Variants in TRPA1 observed in about 807,000 individuals in gnomAD.
TRPA1 encodes the protein transient receptor potential cation channel subfamily A member 1.
A neutral mutation model predicts 131.3 loss-of-function variants in TRPA1; 129 were observed. That is an observed-to-expected ratio of 0.98 (90% confidence interval 0.85 to 1.14). The LOEUF (loss-of-function observed/expected upper bound fraction) is 1.14, where lower values mean the gene tolerates loss of function less well. Among genes scored for constraint, TRPA1 ranks in the 50% most tolerant of loss-of-function variants. The pLI is 0.00. For missense variants in TRPA1, 1,304 were observed against 1,354.2 expected (o/e 0.96, Z 0.58); for synonymous variants, 441 against 451.7 (o/e 0.98, Z 0.30).
At chr8:72,075,208 T>C in intron 1 of TRPA1, 91 bp downstream of exon 1, 3 of 1,012,138 alleles carry the variant, frequency 3.0e-6, no homozygotes, top group East Asian at 2.4e-5. Context: ...CCCCACGCTT[T>C]CTCCAAACCA....
In TRPA1 at chr8:72,069,166, G is replaced by T. The variant is rs1300765767; in HGVS notation, c.301C>A (p.Pro101Thr). The T allele has an allele frequency of 1.2e-6, 2 of 1,614,166 alleles. No individual in the cohort carries two copies. Among genetic ancestry groups the T allele is most frequent in the Non-Finnish European group, 1.7e-6 (2 of 1,180,036 alleles). The stretch of plus-strand genomic sequence containing the variant: ...TTTTTTTCTACAGCACAATGCAGAG[G>T]GGTATTTCCATAATCATCCATTTCA... ...LHEMDDYGNT[P>T]LHCAVEKNQI... The change falls in exon 3 of 27, where the codon CCT becomes ACT. Residue 101 changes from proline to threonine, a missense_variant. Transcript: ENST00000262209.
chr8:72,089,679 A>G, the TRPA1 span, among the ~76,000 whole-genome samples: 1 of 152,102 alleles, frequency 6.6e-6, no homozygotes, highest in Non-Finnish European at 1.5e-5. Flanking sequence ...ACCACAGCTC[A>G]AAAAATTCAA....
rs1252301325 is a variant in TRPA1 at position 72,059,518 on chromosome 8, C to A, written c.945-80G>T. ...ATGTATTTAATAAAGCTACTATATT[C>A]GGAAAGTGAATTTAACTAATCATAA... On this transcript the variant is annotated intron_variant, in intron 7 of 26. Transcript: ENST00000262209. The A allele has an allele frequency of 1.3e-5, 11 of 864,852 alleles. No individual in the cohort carries two copies. In the East Asian group the frequency reaches 3.0e-4, roughly 24 times the overall value. 53.6% of individuals were successfully genotyped at this position (864,852 alleles called of 1,614,324 possible). A position where few individuals can be genotyped will look rare whatever the true frequency, so the allele number is the denominator to read the frequency against.
At chr8:72,074,328 A>G (rs556549175) in intron 1 of TRPA1, among the ~76,000 whole-genome samples, 4 of 152,228 alleles carry the variant, frequency 2.6e-5, no homozygotes, top group Non-Finnish European at 4.4e-5. Flanking sequence ...CCAATTTGAA[A>G]TGTATTCAAA....
Position 72,022,599 on chromosome 8 carries a change from A to T in TRPA1, c.*307T>A, listed in dbSNP as rs1296257240. The T allele has an allele frequency of 2.3e-6, 1 of 443,646 alleles. No homozygotes were observed. Among genetic ancestry groups the T allele is most frequent in the Non-Finnish European group, 4.2e-6 (1 of 239,672 alleles). The allele number at this position is 443,646 out of a possible 1,614,324, so 27.5% of individuals were successfully genotyped here. ...TTTTAGCTTAATAGTTACATTTATT[A>T]CTTCTTTTCATTAAAAATGTGTGTT... On this transcript the variant is annotated 3_prime_UTR_variant, in exon 27 of 27. Coordinates refer to ENST00000262209, the MANE Select transcript of TRPA1 (RefSeq NM_007332.3).
chr8:72,037,488 G>T (rs986371432), intron 20 of TRPA1, among the ~76,000 whole-genome samples: 3 of 151,996 alleles, frequency 2.0e-5, no homozygotes, highest in Non-Finnish European at 4.4e-5. Flanking sequence ...GGAATATAAA[G>T]TAAAAATTTT....
intron 2 of TRPA1, among the ~76,000 whole-genome samples, chr8:72,071,356 CCTT>C (rs1806056357): frequency 6.6e-6 from 1 of 152,092 alleles, no homozygotes; most frequent in African/African-American, 2.4e-5. Flanking sequence ...GTATGGTACA[CCTT>C]CTTGAGGTGT....
chr8:72,069,137 T>G lies in TRPA1; in HGVS notation c.330A>C (p.Gln110His). 1.2e-6 allele frequency: 2 copies of G among 1,614,242 alleles called. No homozygotes were observed. Among genetic ancestry groups the G allele is most frequent in the Non-Finnish European group, 1.7e-6 (2 of 1,180,040 alleles). ...TPLHCAVEKN[Q>H]IESVKFLLSR... ...TGAGAAGAAACTTAACGCTTTCAAT[T>G]TGGTTTTTTTCTACAGCACAATGCA... Residue 110 changes from glutamine to histidine, a missense_variant, in exon 3 of 27, where the codon CAA (glutamine) becomes CAC (histidine). Physicochemically the swap from Gln to His is conservative, Grantham distance 24 (BLOSUM62 0). Coordinates refer to ENST00000262209, the MANE Select transcript of TRPA1 (RefSeq NM_007332.3).
intron 20 of TRPA1, among the ~76,000 whole-genome samples, chr8:72,036,710 A>G (rs1190237776): frequency 6.6e-6 from 1 of 152,092 alleles, no homozygotes; most frequent in Non-Finnish European, 1.5e-5. Flanking sequence ...AATCCTACAA[A>G]TTGCTGGGCT....
upstream of TRPA1, chr8:72,076,774 G>A (rs1806195514): frequency 6.6e-6 from 1 of 152,148 alleles, no homozygotes; most frequent in Non-Finnish European, 1.5e-5. Context: ...CCCTGGAGTG[G>A]AATTCCTTGG....
the TRPA1 span, among the ~76,000 whole-genome samples, chr8:72,088,079 T>G: frequency 1.3e-5 from 2 of 152,260 alleles, no homozygotes; most frequent in Admixed American, 6.5e-5. Flanking sequence ...GGAGTGGTGC[T>G]TGCTAGCCTA....
the TRPA1 span, among the ~76,000 whole-genome samples, chr8:72,084,162 G>A: frequency 6.6e-6 from 1 of 152,134 alleles, no homozygotes; most frequent in African/African-American, 2.4e-5. Flanking sequence ...ACTCACCTAT[G>A]ATACCATTAA....
chr8:72,063,657 C>A (rs887466082), intron 4 of TRPA1, 86 bp from the exon 5 acceptor site: 11 of 825,072 alleles, frequency 1.3e-5, no homozygotes, highest in Non-Finnish European at 2.1e-5. Flanking sequence ...TCTCCCATAT[C>A]ATTTTACTAT....
rs938464567 is a variant in TRPA1 at position 72,021,535 on chromosome 8, T to C, written c.*1371A>G. On this transcript the variant is annotated 3_prime_UTR_variant, in exon 27 of 27. Transcript: ENST00000262209. ...TATATGCAACATTGCCTCTAGGCCA[T>C]GTGATCTGTTGGACCATGAATGTAA... 3.3e-5 allele frequency: 5 copies of C among 152,222 alleles called. No individual in the cohort carries two copies. Among genetic ancestry groups the C allele is most frequent in the Non-Finnish European group, 7.3e-5 (5 of 68,034 alleles). 9.4% of individuals were successfully genotyped at this position (152,222 alleles called of 1,614,324 possible).
At chr8:72,037,131 A>G (rs1218188565) in intron 20 of TRPA1, among the ~76,000 whole-genome samples, 1 of 152,176 alleles carries the variant, frequency 6.6e-6, no homozygotes, top group African/African-American at 2.4e-5. Context: ...GCAACATTAC[A>G]GTCTATCAGA....
intron 15 of TRPA1, among the ~76,000 whole-genome samples, chr8:72,047,798 A>G (rs1805384072): frequency 6.6e-6 from 1 of 152,170 alleles, no homozygotes; most frequent in African/African-American, 2.4e-5. Flanking sequence ...CATTATATAT[A>G]GGCCAATATT....
At chr8:72,048,267 C>T (rs1452372863) in intron 15 of TRPA1, among the ~76,000 whole-genome samples, 1 of 152,074 alleles carries the variant, frequency 6.6e-6, no homozygotes, top group Non-Finnish European at 1.5e-5. Flanking sequence ...CCAGGCTGCC[C>T]TCTTGGAACC....
chr8:72,034,230 C>G lies in TRPA1; in HGVS notation c.2685+18G>C. ...TAATTCACAGCGACAAAATCAACTA[C>G]TGATGTAACTGTCTTACCTGTAAAT... On this transcript the variant is annotated intron_variant, in intron 22 of 26. Coordinates refer to ENST00000262209, the MANE Select transcript of TRPA1 (RefSeq NM_007332.3). 6.3e-7 allele frequency: 1 copy of G among 1,595,968 alleles called. No individual in the cohort carries two copies. The highest frequency in any genetic ancestry group is 8.5e-7 in the Non-Finnish European group (1 of 1,172,494).
chr8:72,068,414 G>A (rs915090828), intron 3 of TRPA1, among the ~76,000 whole-genome samples: 5 of 152,118 alleles, frequency 3.3e-5, no homozygotes, highest in South Asian at 2.1e-4. Context: ...CTATTTGACC[G>A]AACTTACTCT....
Sources: gnomAD v4.1 joint callset for allele counts (sites outside exome capture counted in the v4.1 genomes callset) on GRCh38, gnomAD v4.1.1 for gene constraint, MANE v1.5 for transcripts, NCBI Gene and HGNC (gene_info 2026-07-23, HGNC 2026-07-21) for gene names.